The following PIGT variants were observed in gnomAD, a reference collection of about 807,000 sequenced individuals.
The protein encoded by PIGT is GPI-anchor transamidase component PIGT.
PIGT carries 57 observed loss-of-function variants against 66.7 expected under a neutral mutation model. That is an observed-to-expected ratio of 0.86 (90% CI 0.69 to 1.07). The LOEUF (loss-of-function observed/expected upper bound fraction) is 1.07. PIGT is among the 50% of genes least tolerant of loss of function. The pLI is 0.00. For missense variants in PIGT, 725 were observed against 740.4 expected (o/e 0.98, Z 0.24); for synonymous variants, 362 against 320.5 (o/e 1.13, Z -1.38).
chr20:45,424,711 A>G (rs990608857), intron 11 of PIGT, 132 bp downstream of exon 11: 23 of 657,308 alleles, frequency 3.5e-5, no homozygotes, highest in South Asian at 3.3e-4. Context: ...ATTTAATTCA[A>G]TCCTAATAAA....
intron 9 of PIGT, chr20:45,422,328 C>G (rs1030863517): frequency 3.3e-5 from 5 of 152,178 alleles, no homozygotes; most frequent in Admixed American, 3.3e-4. Context: ...TTCAGACATC[C>G]TAACTGCATA....
At chr20:45,420,012 G>A (rs915896158) in intron 5 of PIGT, 124 bp from the exon 6 acceptor site, 4 of 708,900 alleles carry the variant, frequency 5.6e-6, no homozygotes, top group Admixed American at 4.4e-5. Context: ...TCAGGAGTGG[G>A]TGGTAGCAAA....
intron 11 of PIGT, 97 bp downstream of exon 11, chr20:45,424,676 T>C (rs1019958062): frequency 4.7e-6 from 4 of 846,690 alleles, no homozygotes; most frequent in East Asian, 4.9e-5. Context: ...AGGGTAGATG[T>C]TACATCTTCC....
chr20:45,416,478 G>C, intron 1 of PIGT, 39 bp from the exon 2 acceptor site: 1 of 1,598,784 alleles, frequency 6.3e-7, no homozygotes, highest in Non-Finnish European at 8.6e-7. Flanking sequence ...GGACCCCGAC[G>C]AGGTGGGGAT....
chr20:45,424,327 CGCT>C lies in PIGT; in HGVS notation c.1351_1353del (p.Leu451del). ...AAGGTTTCCATCCAGTTTGAGCGGG[CGCT>C]GCTGAAGTGGACCGAGTACACGCCA... On this transcript the variant is annotated inframe_deletion, in exon 10 of 12. Coordinates refer to ENST00000279036, the MANE Select transcript of PIGT (RefSeq NM_015937.6). 1 of 1,614,194 alleles carries C rather than the reference CGCT, an allele frequency of 6.2e-7. No individual in the cohort carries two copies. Among genetic ancestry groups the C allele is most frequent in the Non-Finnish European group, 8.5e-7 (1 of 1,180,024 alleles).
intron 9 of PIGT, 38 bp from the exon 10 acceptor site, chr20:45,424,178 C>A (rs371651426): frequency 8.9e-5 from 143 of 1,605,566 alleles, no homozygotes; most frequent in Non-Finnish European, 1.2e-4. Context: ...GTAGCCTGAC[C>A]CCAGGAAAGA....
At position 45,426,083 on chromosome 20, in the gene PIGT, C is replaced by T. The variant is rs1414688782; in HGVS notation, c.*257C>T. The T allele has an allele frequency of 1.4e-5, 8 of 551,818 alleles. No individual in the cohort carries two copies. Among genetic ancestry groups the T allele is most frequent in the South Asian group, 2.2e-5 (1 of 45,356 alleles). The allele number at this position is 551,818 out of a possible 1,614,324, so 34.2% of individuals were successfully genotyped here. A position where few individuals can be genotyped will look rare whatever the true frequency, so the allele number is the denominator to read the frequency against. On this transcript the variant is annotated 3_prime_UTR_variant, in exon 12 of 12. Transcript: ENST00000279036. ...GAGGTGCTCAATAAGCAAAAGTGGT[C>T]GGTGGCTGCTGTATTGGACAGCACA... is the stretch of plus-strand genomic sequence containing the variant.
chr20:45,425,568 C>A lies in PIGT; in HGVS notation c.1485-6C>A. 6.2e-7 allele frequency: 1 copy of A among 1,612,638 alleles called. No individual in the cohort carries two copies. Among genetic ancestry groups the A allele is most frequent in the Non-Finnish European group, 8.5e-7 (1 of 1,179,396 alleles). ...TCCTGTCTCACCGCTCTTCCCCTGA[C>A]CCCAGGTTCCCAGTCTCTGATGGCT... On this transcript the variant is annotated splice_region_variant and splice_polypyrimidine_tract_variant and intron_variant, in intron 11 of 11. Transcript: ENST00000279036.
rs1221419577 is a variant in PIGT, at chr20:45,418,710, A to G, written c.366-142A>G. 2.1e-5 allele frequency: 21 copies of G among 1,016,998 alleles called. No individual in the cohort carries two copies. In the South Asian group the frequency reaches 2.2e-4, roughly 11 times the overall value. The allele number at this position is 1,016,998 out of a possible 1,614,324, so 63.0% of individuals were successfully genotyped here. A position where few individuals can be genotyped will look rare whatever the true frequency, so the allele number is the denominator to read the frequency against. On this transcript the variant is annotated intron_variant, in intron 2 of 11. Transcript: ENST00000279036. Reference sequence around the variant, plus strand: ...GCAAGTGGGCTGGCTGGGGGCAGCAATGTTCCAGCTCCATCAACTGGCCCG... The same window carrying G: ...GCAAGTGGGCTGGCTGGGGGCAGCAGTGTTCCAGCTCCATCAACTGGCCCG...
chr20:45,418,811 G>A, intron 2 of PIGT, 41 bp from the exon 3 acceptor site: 1 of 1,611,848 alleles, frequency 6.2e-7, no homozygotes, highest in Non-Finnish European at 8.5e-7. Context: ...AGGGAGCAGA[G>A]GTAGCCCCAG....
intron 8 of PIGT, 161 bp from the exon 9 acceptor site, chr20:45,421,222 G>A: frequency 1.6e-6 from 1 of 620,306 alleles, no homozygotes; most frequent in African/African-American, 1.8e-5. Context: ...GTTGGCTGGG[G>A]AAGACAGGGA....
chr20:45,419,456 C>T (rs919248328), intron 4 of PIGT, 48 bp from the exon 5 acceptor site: 1 of 1,609,478 alleles, frequency 6.2e-7, no homozygotes, highest in Non-Finnish European at 8.5e-7. Context: ...GCGCCCCATG[C>T]CAAGTGCTCC....
At chr20:45,419,011 C>T (rs750843586) in intron 3 of PIGT, 32 bp downstream of exon 3, 1 of 1,613,546 alleles carries the variant, frequency 6.2e-7, no homozygotes, top group South Asian at 1.1e-5. Flanking sequence ...TTTCCTTCTT[C>T]CTCTTACCTC....
chr20:45,420,828 T>C (rs1487958212), intron 8 of PIGT, 135 bp downstream of exon 8: 2 of 866,168 alleles, frequency 2.3e-6, no homozygotes. Flanking sequence ...TGACTGTAGC[T>C]ATTCCAAGCT....
Position 45,425,640 on chromosome 20 carries a change from G to GCATGC in PIGT, c.1552_1553insATGCC (p.Pro518HisfsTer13). On this transcript the variant is annotated frameshift_variant, in exon 12 of 12. Coordinates refer to ENST00000279036, the MANE Select transcript of PIGT (RefSeq NM_015937.6). LOFTEE classifies it high-confidence loss of function. ...ACACGGAGCCGCTGCTGGTGAACCT[G>GCATGC]CCGACACCGGACTTCAGCATGCCCT... The GCATGC allele has an allele frequency of 6.2e-7, 1 of 1,614,106 alleles. No individual in the cohort carries two copies. The highest frequency in any genetic ancestry group is 1.1e-5 in the South Asian group (1 of 91,084).
Position 45,419,556 on chromosome 20 carries a change from A to G in PIGT, c.647A>G (p.His216Arg), listed in dbSNP as rs763833981. 1 of 1,613,734 alleles carries G rather than the reference A, an allele frequency of 6.2e-7. No homozygotes were observed. The highest frequency in any genetic ancestry group is 1.1e-5 in the South Asian group (1 of 91,066). Reference protein sequence around the residue: ...KADRLFHTSYHSQAVHIRPVC... With the variant: ...KADRLFHTSYRSQAVHIRPVC... Reference sequence around the variant, plus strand: ...GATCGCTTGTTCCACACCAGCTACCACTCCCAGGCAGTGCATATCCGCCCT... The same window carrying G: ...GATCGCTTGTTCCACACCAGCTACCGCTCCCAGGCAGTGCATATCCGCCCT... Residue 216 changes from histidine to arginine, a missense_variant, in exon 5 of 12, where the codon CAC becomes CGC. Physicochemically the swap from His to Arg is conservative, Grantham distance 29. This residue lies in a region of PIGT where 559 missense variants were observed against 552.7 expected (regional missense o/e 1.01). Transcript: ENST00000279036.
At chr20:45,425,457 G>T in intron 11 of PIGT, 117 bp from the exon 12 acceptor site, 9 of 970,010 alleles carry the variant, frequency 9.3e-6, no homozygotes, top group East Asian at 5.6e-5. Context: ...GAAAGGTTTT[G>T]AGCCTAAGAG....
rs1002577041 is a variant in PIGT, at chr20:45,425,435, A to G, written c.1485-139A>G. ...CTTTATCAGGTTTAGAGATTGAGCT[A>G]TGCCTTCTGTTGAAAGGTTTTGAGC... On this transcript the variant is annotated intron_variant, in intron 11 of 11. Coordinates refer to ENST00000279036, the MANE Select transcript of PIGT (RefSeq NM_015937.6). 4.0e-5 allele frequency: 35 copies of G among 868,496 alleles called. No homozygotes were observed. In the East Asian group the frequency reaches 5.5e-4, roughly 14 times the overall value. 53.8% of individuals were successfully genotyped at this position (868,496 alleles called of 1,614,324 possible).
chr20:45,423,622 C>T (rs1420197855), intron 9 of PIGT: 1 of 152,250 alleles, frequency 6.6e-6, no homozygotes, highest in Non-Finnish European at 1.5e-5. Context: ...TGTCTCCACA[C>T]CCAGAATGTC....
Sources: allele counts gnomAD v4.1 joint callset, GRCh38; gene constraint gnomAD v4.1.1; regional missense constraint gnomAD v4.1.1; transcripts MANE v1.5; gene names NCBI Gene and HGNC (gene_info 2026-07-23, HGNC 2026-07-21).